Variants in KIAA1328 observed in about 807,000 individuals in gnomAD.
The protein encoded by KIAA1328 is protein hinderin.
Under a neutral mutation model 68.1 loss-of-function variants are expected in KIAA1328, and 52 were observed. That is an observed-to-expected ratio of 0.76 (90% CI 0.61 to 0.96). KIAA1328 has a LOEUF of 0.96. KIAA1328 is among the 40% of genes least tolerant of loss of function. KIAA1328 has a pLI of 0.00. For synonymous variants in KIAA1328, 232 were observed against 239.4 expected (o/e 0.97, Z 0.28); for missense variants, 641 against 677.6 (o/e 0.95, Z 0.60).
intron 6 of KIAA1328, among the ~76,000 whole-genome samples, chr18:37,003,059 G>A (rs1022766494): frequency 8.6e-5 from 13 of 151,604 alleles, no homozygotes; most frequent in Admixed American, 2.6e-4. Flanking sequence ...GTATACAACC[G>A]ATTTTTAACA....
intron 7 of KIAA1328, among the ~76,000 whole-genome samples, chr18:37,092,416 T>G (rs2057292855): frequency 6.6e-6 from 1 of 151,950 alleles, no homozygotes; most frequent in African/African-American, 2.4e-5. Context: ...TGTACCACTG[T>G]GAGTCCTGCA....
chr18:36,944,261 T>C (rs1287641551), intron 5 of KIAA1328, among the ~76,000 whole-genome samples: 1 of 152,254 alleles, frequency 6.6e-6, no homozygotes, highest in East Asian at 1.9e-4. Context: ...GCCTCTGTAT[T>C]GAATTTGAAG....
intron 5 of KIAA1328, among the ~76,000 whole-genome samples, chr18:36,953,995 C>CTTTTTTTTTTTTTTTTTTT (rs71168249): frequency 8.8e-6 from 1 of 113,548 alleles, no homozygotes; most frequent in Non-Finnish European, 1.7e-5. Context: ...CTGATTGTTT[C>CTTTTTTTTTTTTTTTTTTT]TTTTTTTTTT....
At chr18:36,885,697 TTAAC>T in intron 5 of KIAA1328, 25 bp downstream of exon 5, 3 of 1,413,364 alleles carry the variant, frequency 2.1e-6, no homozygotes, top group Non-Finnish European at 2.9e-6. Flanking sequence ...GTTCTCTTTT[TTAAC>T]GTTCAAGAAG....
intron 6 of KIAA1328, among the ~76,000 whole-genome samples, chr18:36,981,019 A>G (rs921193892): frequency 1.3e-5 from 2 of 152,186 alleles, no homozygotes; most frequent in Non-Finnish European, 2.9e-5. Context: ...TAATACACCA[A>G]CTAACAAGGA....
At chr18:37,129,069 C>A (rs539907860) in intron 7 of KIAA1328, among the ~76,000 whole-genome samples, 9 of 152,142 alleles carry the variant, frequency 5.9e-5, no homozygotes, top group Admixed American at 5.9e-4. Context: ...GTATTTTGTA[C>A]CTTGATTATG....
chr18:37,090,123 G>T (rs866536384), intron 7 of KIAA1328, among the ~76,000 whole-genome samples: 1 of 152,052 alleles, frequency 6.6e-6, no homozygotes, highest in African/African-American at 2.4e-5. Context: ...TTAGATTTTG[G>T]TAATTGTCTA....
At chr18:37,126,162 T>C (rs1248119912) in intron 7 of KIAA1328, among the ~76,000 whole-genome samples, 3 of 152,224 alleles carry the variant, frequency 2.0e-5, no homozygotes, top group African/African-American at 4.8e-5. Context: ...ACCTTTAGGC[T>C]TTGTATATAA....
intron 6 of KIAA1328, among the ~76,000 whole-genome samples, chr18:36,985,444 G>A (rs1297084319): frequency 1.3e-5 from 2 of 152,116 alleles, no homozygotes; most frequent in Non-Finnish European, 2.9e-5. Flanking sequence ...AATTCAAAGG[G>A]CTCATACTAC....
chr18:37,100,405 A>G (rs1244458126), intron 7 of KIAA1328, among the ~76,000 whole-genome samples: 1 of 152,200 alleles, frequency 6.6e-6, no homozygotes, highest in Non-Finnish European at 1.5e-5. Context: ...TCCTATGCCC[A>G]CAGAGCCTTG....
intron 6 of KIAA1328, among the ~76,000 whole-genome samples, chr18:36,986,470 C>A (rs1313239839): frequency 2.2e-5 from 3 of 134,352 alleles, no homozygotes; most frequent in Non-Finnish European, 4.7e-5. Context: ...CAACAAAAGC[C>A]AAAATTGACA....
intron 7 of KIAA1328, among the ~76,000 whole-genome samples, chr18:37,126,849 G>C (rs1349704062): frequency 6.6e-6 from 1 of 152,040 alleles, no homozygotes; most frequent in Non-Finnish European, 1.5e-5. Flanking sequence ...AAAACCACCT[G>C]ATTTGTTTCA....
chr18:36,874,738 T>C (rs2048063497), intron 4 of KIAA1328, among the ~76,000 whole-genome samples: 1 of 152,238 alleles, frequency 6.6e-6, no homozygotes, highest in Non-Finnish European at 1.5e-5. Context: ...TTTGGTGTTT[T>C]AGTCATGAAG....
At chr18:36,891,844 A>T (rs977105968) in intron 5 of KIAA1328, among the ~76,000 whole-genome samples, 3 of 152,194 alleles carry the variant, frequency 2.0e-5, no homozygotes, top group Non-Finnish European at 4.4e-5. Context: ...TTGCTGGATC[A>T]AATATTCATT....
intron 1 of KIAA1328, chr18:36,832,786 A>G (rs1250271670): frequency 6.6e-6 from 1 of 151,608 alleles, no homozygotes; most frequent in Admixed American, 6.6e-5. Flanking sequence ...TGGTGCCTAC[A>G]TTTTAGTGAG....
rs1055774088 is a variant in KIAA1328, at chr18:37,152,269, A to G, written c.1233-7931A>G. Reference sequence around the variant, plus strand: ...AAGAACAGTAGAATTTTAGAAAAGTAACGAGACAAAGGTAAAGGACTTTAA... The same window carrying G: ...AAGAACAGTAGAATTTTAGAAAAGTGACGAGACAAAGGTAAAGGACTTTAA... On this transcript the variant is annotated intron_variant, in intron 7 of 9. Coordinates refer to ENST00000280020, the MANE Select transcript of KIAA1328 (RefSeq NM_020776.3). Among the ~76,000 whole-genome samples the G allele has an allele frequency of 2.6e-5, 4 of 152,288 alleles. No homozygotes were observed. In the East Asian group the frequency reaches 7.7e-4, roughly 29 times the overall value.
chr18:36,926,282 A>G (rs1381875379), intron 5 of KIAA1328, among the ~76,000 whole-genome samples: 1 of 152,158 alleles, frequency 6.6e-6, no homozygotes, highest in Non-Finnish European at 1.5e-5. Context: ...TGTAATCTCT[A>G]ATAGCAGATG....
chr18:37,165,128 C>G (rs971068247), intron 8 of KIAA1328, among the ~76,000 whole-genome samples: 4 of 152,204 alleles, frequency 2.6e-5, no homozygotes, highest in African/African-American at 9.6e-5. Context: ...ATGACCTCAT[C>G]CAACTTAACT....
chr18:36,934,854 A>G (rs1426910391), intron 5 of KIAA1328, among the ~76,000 whole-genome samples: 1 of 152,248 alleles, frequency 6.6e-6, no homozygotes, highest in Non-Finnish European at 1.5e-5. Flanking sequence ...TGTTACCTCT[A>G]CATTTTCATT....
Sources: allele counts gnomAD v4.1 joint callset (sites outside exome capture counted in the v4.1 genomes callset), GRCh38; gene constraint gnomAD v4.1.1; transcripts MANE v1.5; gene names NCBI Gene and HGNC (gene_info 2026-07-23, HGNC 2026-07-21).